PAPLN: variants seen among roughly 807,000 people sequenced by gnomAD.
The protein encoded by PAPLN is papilin.
In PAPLN, 146 loss-of-function variants were observed where a neutral mutation model predicts 159.0. The observed-to-expected ratio is 0.92, with a 90% CI of 0.80 to 1.05. PAPLN has a LOEUF of 1.05. Among genes scored for constraint, PAPLN ranks in the 50% least tolerant of loss-of-function variants. The probability of loss-of-function intolerance (pLI) is 0.00; values close to 1 mark genes in which losing one functional copy is unlikely to be tolerated. For synonymous variants in PAPLN, 734 were observed against 702.9 expected (o/e 1.04, Z -0.70); for missense variants, 1,720 against 1,743.9 (o/e 0.99, Z 0.24).
At position 73,260,757 on chromosome 14, in the gene PAPLN, C is replaced by T. The variant is rs374698062; in HGVS notation, c.2034C>T (p.His678=). 33 of 1,477,694 alleles carry T rather than the reference C, an allele frequency of 2.2e-5. No individual in the cohort carries two copies. Among genetic ancestry groups the T allele is most frequent in the Middle Eastern group, 4.1e-4 (2 of 4,912 alleles). 91.5% of individuals were successfully genotyped at this position (1,477,694 alleles called of 1,614,324 possible). A position where few individuals can be genotyped will look rare whatever the true frequency, so the allele number is the denominator to read the frequency against. Residue 678 remains histidine (H), a synonymous_variant, in exon 17 of 27, where the codon CAC becomes CAT. Coordinates refer to ENST00000644200, the MANE Select transcript of PAPLN (RefSeq NM_001365906.3). Reference sequence around the variant, plus strand: ...TATCTGTCGCTGAGGGGCCCCATCACGCTGGCTGCACAAAGTCGTATGGTG... The same window carrying T: ...TATCTGTCGCTGAGGGGCCCCATCATGCTGGCTGCACAAAGTCGTATGGTG... ...DRVSVAEGPH[H]AGCTKSYGGD...
At position 73,250,625 on chromosome 14, in the gene PAPLN, A is replaced by G. The variant is rs530841926; in HGVS notation, c.466-282A>G. On this transcript the variant is annotated intron_variant, in intron 6 of 26. Transcript: ENST00000644200. Reference sequence around the variant, plus strand: ...TTGGGACTTACCCTGAACCACTCCAACCTCCCCAAACCCACATTTGGGGAG... The same window carrying G: ...TTGGGACTTACCCTGAACCACTCCAGCCTCCCCAAACCCACATTTGGGGAG... Among the ~76,000 whole-genome samples, 6 of 151,704 alleles carry G rather than the reference A, an allele frequency of 4.0e-5. No homozygotes were observed. In the East Asian group the frequency reaches 1.2e-3, roughly 30 times the overall value.
Position 73,265,064 on chromosome 14 carries a change from G to C in PAPLN, c.3126-306G>C, listed in dbSNP as rs1887078594. ...GAGGGGGTGTGGAGGACCGGAGGGG[G>C]TGCCCAACTCAAAGACCTAGTGGCA... is the stretch of plus-strand genomic sequence containing the variant. On this transcript the variant is annotated intron_variant, in intron 22 of 26. Coordinates refer to ENST00000644200, the MANE Select transcript of PAPLN (RefSeq NM_001365906.3). This position sits in a 1 kb window ranked among gnomAD's most constrained non-coding sequence, Gnocchi z 4.1. Among the ~76,000 whole-genome samples, 1 of 152,108 alleles carries C rather than the reference G, an allele frequency of 6.6e-6. No individual in the cohort carries two copies. Among genetic ancestry groups the C allele is most frequent in the South Asian group, 2.1e-4 (1 of 4,828 alleles).
chr14:73,255,168 T>A, intron 14 of PAPLN, 150 bp downstream of exon 14: 1 of 1,209,310 alleles, frequency 8.3e-7, no homozygotes, highest in South Asian at 1.6e-5. Flanking sequence ...CGCTGAACCC[T>A]TTGCCATCTC....
In PAPLN at chr14:73,264,278, A is replaced by G. The variant is rs757834017; in HGVS notation, c.2929A>G (p.Ser977Gly). 1 of 1,613,962 alleles carries G rather than the reference A, an allele frequency of 6.2e-7. No homozygotes were observed. The highest frequency in any genetic ancestry group is 2.2e-5 in the East Asian group (1 of 44,878). ...GCAGGCAGAGGACGCGGGCACCTACAGCTGTGGCAGCACCCGGCCAGGCCG... is the reference window on the plus strand; with the variant it reads ...GCAGGCAGAGGACGCGGGCACCTACGGCTGTGGCAGCACCCGGCCAGGCCG... The part of the protein sequence containing the change: ...PLQAEDAGTY[S>G]CGSTRPGRDS... The change falls in exon 21 of 27, where the codon AGC becomes GGC. Residue 977 changes from serine (S) to glycine (G), a missense_variant. By Grantham distance (56) the Ser-to-Gly change is moderately conservative. Coordinates refer to ENST00000644200, the MANE Select transcript of PAPLN (RefSeq NM_001365906.3).
Position 73,263,746 on chromosome 14 carries a change from C to G in PAPLN, c.2825C>G (p.Ala942Gly), listed in dbSNP as rs538346311. ...GACACTGCCCCGGAATCCCAGGCTG[C>G]CTGGCAGAAAGATGGCCAGCCCATC... ...SDDTAPESQA[A>G]WQKDGQPISS... is the part of the protein sequence containing the mutation. The change falls in exon 20 of 27, where the codon GCC (alanine) becomes GGC (glycine). Residue 942 changes from alanine to glycine, a missense_variant. By Grantham distance (60) the Ala-to-Gly change is moderately conservative. Transcript: ENST00000644200. 5.6e-6 allele frequency: 9 copies of G among 1,607,766 alleles called. No individual in the cohort carries two copies. The highest frequency in any genetic ancestry group is 2.7e-5 in the African/African-American group (2 of 75,026).
chr14:73,253,210 C>T (rs774169738), intron 11 of PAPLN: 27 of 1,359,406 alleles, frequency 2.0e-5, no homozygotes, highest in East Asian at 1.3e-4. Context: ...TGGGGCCCAG[C>T]GAGTGTGTGG....
At chr14:73,244,916 G>A (rs1421522556) in intron 3 of PAPLN, 157 bp downstream of exon 3, 12 of 598,156 alleles carry the variant, frequency 2.0e-5, no homozygotes, top group Non-Finnish European at 3.1e-5. Context: ...TCAGTTCAGC[G>A]CAGGAAATCA....
chr14:73,274,254 T>C lies in PAPLN; in HGVS notation c.*1590T>C, dbSNP rs1238836391. The C allele has an allele frequency of 6.6e-6, 1 of 152,238 alleles. No individual in the cohort carries two copies. The highest frequency in any genetic ancestry group is 2.4e-5 in the African/African-American group (1 of 41,466). 9.4% of individuals were successfully genotyped at this position (152,238 alleles called of 1,614,324 possible). A position where few individuals can be genotyped will look rare whatever the true frequency, so the allele number is the denominator to read the frequency against. On this transcript the variant is annotated 3_prime_UTR_variant, in exon 27 of 27. Coordinates refer to ENST00000644200, the MANE Select transcript of PAPLN (RefSeq NM_001365906.3). ...ATTCTTCATCTCTCAGGACTTCTAATTCCTTGATGCTAAAAGAAGAGGCAT... is the reference window on the plus strand; with the variant it reads ...ATTCTTCATCTCTCAGGACTTCTAACTCCTTGATGCTAAAAGAAGAGGCAT...
In PAPLN at chr14:73,266,548, TAGA is replaced by T; in HGVS notation, c.3315_3317del (p.Glu1105del). ...TCCCTGGTCATTAGCCGAGTGGCTGTAGAAGATGGCGGCTTCTACACCTGTGTC... is the reference window on the plus strand; with the variant it reads ...TCCCTGGTCATTAGCCGAGTGGCTGTAGATGGCGGCTTCTACACCTGTGTC... On this transcript the variant is annotated inframe_deletion, in exon 24 of 27. Transcript: ENST00000644200. The T allele has an allele frequency of 1.2e-6, 2 of 1,613,916 alleles. No homozygotes were observed. The highest frequency in any genetic ancestry group is 2.2e-5 in the South Asian group (2 of 91,076).
chr14:73,272,767 T>C lies in PAPLN; in HGVS notation c.*103T>C, dbSNP rs1887853803. 5.5e-6 allele frequency: 7 copies of C among 1,277,114 alleles called. No homozygotes were observed. The highest frequency in any genetic ancestry group is 5.4e-5 in the Admixed American group (2 of 36,778). The allele number at this position is 1,277,114 out of a possible 1,614,324, so 79.1% of individuals were successfully genotyped here. A position where few individuals can be genotyped will look rare whatever the true frequency, so the allele number is the denominator to read the frequency against. ...TCTCTCTGGCTGGCAAAGGGAGTTA[T>C]CTTCTGGAATACATTAGCTCTTTCA... On this transcript the variant is annotated 3_prime_UTR_variant, in exon 27 of 27. Coordinates refer to ENST00000644200, the MANE Select transcript of PAPLN (RefSeq NM_001365906.3).
rs1295350415 is a variant in PAPLN at position 73,266,550 on chromosome 14, G to A, written c.3313G>A (p.Glu1105Lys). ...CCTGGTCATTAGCCGAGTGGCTGTA[G>A]AAGATGGCGGCTTCTACACCTGTGT... ...GSLVISRVAV[E>K]DGGFYTCVAF... The change falls in exon 24 of 27, where the codon GAA (glutamate) becomes AAA (lysine). Residue 1105 changes from glutamate to lysine, a missense_variant. Glu to Lys is a moderately conservative substitution (Grantham distance 56). Transcript: ENST00000644200. 1.2e-6 allele frequency: 2 copies of A among 1,614,070 alleles called. No individual in the cohort carries two copies. The highest frequency in any genetic ancestry group is 1.7e-6 in the Non-Finnish European group (2 of 1,180,042).
intron 5 of PAPLN, among the ~76,000 whole-genome samples, chr14:73,246,389 C>A: frequency 7.0e-6 from 1 of 143,674 alleles, no homozygotes; most frequent in South Asian, 2.3e-4. Flanking sequence ...AGCCACTGTA[C>A]CCGACCAATT....
intron 4 of PAPLN, 36 bp from the exon 5 acceptor site, chr14:73,246,037 G>T (rs1284156091): frequency 2.0e-6 from 3 of 1,507,876 alleles, no homozygotes; most frequent in Non-Finnish European, 1.8e-6. Context: ...CTCGGACTCC[G>T]CCCTCCTGGA....
intron 14 of PAPLN, among the ~76,000 whole-genome samples, chr14:73,257,015 A>G (rs1345544537): frequency 1.3e-5 from 2 of 152,236 alleles, no homozygotes; most frequent in Non-Finnish European, 2.9e-5. Context: ...TCTGTTGCCC[A>G]GGCTGCAGTG....
Position 73,259,352 on chromosome 14 carries a change from GACCAAGGCACCC to G in PAPLN, c.1796_1807del (p.Gln599_His602del). 6.2e-7 allele frequency: 1 copy of G among 1,611,396 alleles called. No individual in the cohort carries two copies. The highest frequency in any genetic ancestry group is 2.2e-5 in the East Asian group (1 of 44,780). On this transcript the variant is annotated inframe_deletion, in exon 16 of 27. Transcript: ENST00000644200. ...GGGAGAACGAGGTGACCCCAGGGGC[GACCAAGGCACCC>G]ACCTGTCAGCCCTGGGCCCCGCTCC... is the stretch of plus-strand genomic sequence containing the variant.
At chr14:73,246,026 C>T in intron 4 of PAPLN, 47 bp from the exon 5 acceptor site, 1 of 1,477,102 alleles carries the variant, frequency 6.8e-7, no homozygotes, top group Non-Finnish European at 9.0e-7. Context: ...GGTGGGCGGA[C>T]CTCGGACTCC....
chr14:73,257,824 C>A (rs548788835), intron 14 of PAPLN, among the ~76,000 whole-genome samples: 2 of 134,194 alleles, frequency 1.5e-5, no homozygotes, highest in East Asian at 2.5e-4. Context: ...AGTGCAGTGG[C>A]GCGATCTCGG....
chr14:73,266,802 A>G lies in PAPLN; in HGVS notation c.3471A>G (p.Ala1157=). 1 of 1,613,552 alleles carries G rather than the reference A, an allele frequency of 6.2e-7. No individual in the cohort carries two copies. Residue 1157 remains alanine, a synonymous_variant, in exon 25 of 27, where the codon GCA becomes GCG. Coordinates refer to ENST00000644200, the MANE Select transcript of PAPLN (RefSeq NM_001365906.3). ...GDTARLLCVV[A]GESVNIRWSR... ...CGGCCAGGCTATTGTGTGTGGTAGC[A>G]GGAGAAAGTGTGAACATCAGGTGGT...
At chr14:73,260,324 T>C (rs1873928884) in intron 16 of PAPLN, among the ~76,000 whole-genome samples, 1 of 152,002 alleles carries the variant, frequency 6.6e-6, no homozygotes, top group Non-Finnish European at 1.5e-5. Flanking sequence ...AAATGGTGGG[T>C]TCCTTTGAAC....
Sources: allele counts gnomAD v4.1 joint callset (sites outside exome capture counted in the v4.1 genomes callset), GRCh38; gene constraint gnomAD v4.1.1; non-coding constraint Gnocchi (gnomAD v3.1); transcripts MANE v1.5; gene names NCBI Gene and HGNC (gene_info 2026-07-23, HGNC 2026-07-21).